Variants in AKAP6 observed in about 807,000 individuals in gnomAD.
AKAP6 encodes A-kinase anchoring protein 6, also known as A-kinase anchor protein 6.
Under a neutral mutation model 188.5 loss-of-function variants are expected in AKAP6, and 58 were observed. That is an observed-to-expected ratio of 0.31 (90% confidence interval 0.25 to 0.38). The LOEUF is 0.38. AKAP6 is among the 10% of genes least tolerant of loss of function. The pLI is 1.00. For synonymous variants in AKAP6, 989 were observed against 998.6 expected (o/e 0.99, Z 0.18); for missense variants, 2,710 against 2,740.0 (o/e 0.99, Z 0.24).
chr14:32,348,417 CT>C (rs71115063), intron 1 of AKAP6, among the ~76,000 whole-genome samples: 18,700 of 125,800 alleles, frequency 0.15, 1,448 homozygotes, highest in East Asian at 0.36. Context: ...TCTTTTGTTT[CT>C]TTTTTTTTTT....
intron 5 of AKAP6, among the ~76,000 whole-genome samples, chr14:32,590,249 C>T (rs1049901627): frequency 5.6e-5 from 8 of 143,240 alleles, no homozygotes; most frequent in Non-Finnish European, 9.2e-5. Flanking sequence ...CTCAGCTGTT[C>T]TCTTGATGCT....
intron 9 of AKAP6, among the ~76,000 whole-genome samples, 177 bp from the exon 10 acceptor site, chr14:32,732,277 A>G (rs200667250): frequency 1.3e-4 from 19 of 150,048 alleles, no homozygotes; most frequent in Admixed American, 2.7e-4. Flanking sequence ...GTGTGTGTGT[A>G]TATAATATAT....
intron 7 of AKAP6, among the ~76,000 whole-genome samples, chr14:32,665,299 A>G (rs1888877425): frequency 6.6e-6 from 1 of 152,130 alleles, no homozygotes; most frequent in South Asian, 2.1e-4. Flanking sequence ...TTCTAATCAA[A>G]GTGCCAAACT....
At chr14:32,726,906 G>A (rs1487315159) in intron 9 of AKAP6, among the ~76,000 whole-genome samples, 1 of 152,120 alleles carries the variant, frequency 6.6e-6, no homozygotes, top group Non-Finnish European at 1.5e-5. Flanking sequence ...CAGGCTAGGA[G>A]GATCAATCAA....
chr14:32,626,000 A>G (rs1228863677), intron 7 of AKAP6, among the ~76,000 whole-genome samples: 1 of 152,100 alleles, frequency 6.6e-6, no homozygotes, highest in African/African-American at 2.4e-5. Context: ...TCTTACCAGC[A>G]TGGTTCAAAG....
intron 12 of AKAP6, among the ~76,000 whole-genome samples, chr14:32,805,095 A>C (rs2034054820): frequency 6.6e-6 from 1 of 152,210 alleles, no homozygotes; most frequent in Non-Finnish European, 1.5e-5. Flanking sequence ...TGAGGTGTAC[A>C]TCCTCAGCTT....
intron 1 of AKAP6, among the ~76,000 whole-genome samples, chr14:32,356,378 CTGTT>C (rs1236508331): frequency 6.6e-6 from 1 of 152,108 alleles, no homozygotes; most frequent in Non-Finnish European, 1.5e-5. Context: ...AGACCTTCCT[CTGTT>C]TGTCTCACAG....
At chr14:32,720,116 A>G (rs2030453590) in intron 9 of AKAP6, among the ~76,000 whole-genome samples, 1 of 152,218 alleles carries the variant, frequency 6.6e-6, no homozygotes, top group Admixed American at 6.5e-5. Flanking sequence ...CTTTGATTGT[A>G]TATTAAAACA....
intron 8 of AKAP6, among the ~76,000 whole-genome samples, chr14:32,694,833 G>T (rs187382081): frequency 1.3e-5 from 2 of 151,658 alleles, no homozygotes; most frequent in Admixed American, 6.6e-5. Context: ...GTCGTTTAAT[G>T]TACAGAGACA....
chr14:32,609,842 A>G (rs796608862), intron 7 of AKAP6, among the ~76,000 whole-genome samples: 62 of 149,042 alleles, frequency 4.2e-4, no homozygotes, highest in African/African-American at 1.5e-3. Flanking sequence ...CATGGACCTT[A>G]GTGTATTCAT....
At chr14:32,381,624 A>T (rs2138553258) in intron 1 of AKAP6, among the ~76,000 whole-genome samples, 1 of 152,276 alleles carries the variant, frequency 6.6e-6, no homozygotes, top group East Asian at 1.9e-4. Context: ...GAACTAGGAG[A>T]CAGTGAAGTT....
intron 12 of AKAP6, among the ~76,000 whole-genome samples, chr14:32,782,795 T>G (rs1274837427): frequency 6.6e-6 from 1 of 151,872 alleles, no homozygotes; most frequent in Non-Finnish European, 1.5e-5. Flanking sequence ...AATTCATGGA[T>G]CAGAGGATAC....
chr14:32,462,793 A>C (rs1891373011), intron 2 of AKAP6, among the ~76,000 whole-genome samples: 1 of 151,644 alleles, frequency 6.6e-6, no homozygotes. Flanking sequence ...AATTGGATAG[A>C]GCCAAGACCT....
At chr14:32,446,193 A>G (rs558015114) in intron 2 of AKAP6, among the ~76,000 whole-genome samples, 1 of 152,244 alleles carries the variant, frequency 6.6e-6, no homozygotes, top group Non-Finnish European at 1.5e-5. Context: ...TAGGATTTGT[A>G]TAAGTGGGTA....
intron 11 of AKAP6, among the ~76,000 whole-genome samples, chr14:32,765,586 T>C (rs1482852973): frequency 6.6e-6 from 1 of 152,166 alleles, no homozygotes; most frequent in Non-Finnish European, 1.5e-5. Context: ...AAAATGACAC[T>C]GCATTATTTT....
chr14:32,802,561 G>A (rs1183467880), intron 12 of AKAP6, among the ~76,000 whole-genome samples: 1 of 152,194 alleles, frequency 6.6e-6, no homozygotes, highest in African/African-American at 2.4e-5. Context: ...GTAGCAATCG[G>A]TTGCAAATTC....
At chr14:32,607,196 T>C (rs1168898437) in intron 7 of AKAP6, among the ~76,000 whole-genome samples, 1 of 152,200 alleles carries the variant, frequency 6.6e-6, no homozygotes. Context: ...TTCCACAGCA[T>C]TGGTGAGACA....
intron 7 of AKAP6, among the ~76,000 whole-genome samples, chr14:32,655,813 A>C (rs1048602003): frequency 3.9e-5 from 6 of 152,208 alleles, no homozygotes; most frequent in African/African-American, 1.4e-4. Flanking sequence ...GATTAGGGTC[A>C]GACTGGGGAA....
intron 8 of AKAP6, among the ~76,000 whole-genome samples, chr14:32,687,214 G>T (rs562583991): frequency 2.0e-5 from 3 of 152,056 alleles, no homozygotes; most frequent in African/African-American, 7.2e-5. Flanking sequence ...AATGAATCAC[G>T]ATTTAAAATA....
Sources: gnomAD v4.1 joint callset for allele counts (sites outside exome capture counted in the v4.1 genomes callset) on GRCh38, gnomAD v4.1.1 for gene constraint, MANE v1.5 for transcripts, NCBI Gene and HGNC (gene_info 2026-07-23, HGNC 2026-07-21) for gene names.